The following AMBRA1 variants were observed in gnomAD, a reference collection of about 807,000 sequenced individuals.
The protein encoded by AMBRA1 is autophagy and beclin 1 regulator 1.
AMBRA1 carries 47 observed loss-of-function variants against 125.4 expected under a neutral mutation model. That is an observed-to-expected ratio of 0.37 (90% CI 0.30 to 0.48). AMBRA1 has a LOEUF of 0.48. AMBRA1 is among the 20% of genes least tolerant of loss of function. AMBRA1 has a pLI of 0.99. For missense variants in AMBRA1, 1,331 were observed against 1,693.4 expected, an observed-to-expected ratio of 0.79 and a Z score of 3.76; for synonymous variants, 626 against 655.5, an observed-to-expected ratio of 0.95 and a Z score of 0.69.
intron 11 of AMBRA1, among the ~76,000 whole-genome samples, chr11:46,468,553 C>T (rs1056707271): frequency 2.0e-5 from 3 of 151,912 alleles, no homozygotes; most frequent in Admixed American, 2.0e-4. Flanking sequence ...AATCCCAGCA[C>T]TTTGGGAGGC....
intron 14 of AMBRA1, among the ~76,000 whole-genome samples, chr11:46,423,361 T>C (rs541030443): frequency 6.6e-6 from 1 of 152,270 alleles, no homozygotes; most frequent in South Asian, 2.1e-4. Context: ...ATTCACAAAA[T>C]GTTGATGTAA....
intron 7 of AMBRA1, among the ~76,000 whole-genome samples, chr11:46,536,351 A>G (rs1281607329): frequency 6.6e-6 from 1 of 152,238 alleles, no homozygotes; most frequent in Non-Finnish European, 1.5e-5. Context: ...TCTAGTACAC[A>G]TGCAACAAAG....
intron 1 of AMBRA1, among the ~76,000 whole-genome samples, chr11:46,552,858 A>C (rs1352395566): frequency 6.6e-6 from 1 of 152,078 alleles, no homozygotes; most frequent in African/African-American, 2.4e-5. Context: ...ATTATTGGTG[A>C]TTTAATAATT....
chr11:46,414,049 G>C (rs1167208237), intron 15 of AMBRA1, among the ~76,000 whole-genome samples: 5 of 152,130 alleles, frequency 3.3e-5, no homozygotes, highest in Admixed American at 3.3e-4. Context: ...TTCTGGGCCT[G>C]GCTCAACAAC....
intron 1 of AMBRA1, among the ~76,000 whole-genome samples, chr11:46,583,042 A>C (rs1196585011): frequency 6.6e-6 from 1 of 152,190 alleles, no homozygotes; most frequent in East Asian, 1.9e-4. Context: ...ACTGTCGCCA[A>C]GTCAATCCTA....
intron 1 of AMBRA1, among the ~76,000 whole-genome samples, chr11:46,582,511 T>C (rs1223072812): frequency 1.3e-5 from 2 of 152,180 alleles, no homozygotes; most frequent in Non-Finnish European, 2.9e-5. Flanking sequence ...TGGACATCTA[T>C]TTTTCCACTC....
At chr11:46,485,409 G>A (rs2136933152) in intron 11 of AMBRA1, among the ~76,000 whole-genome samples, 1 of 152,232 alleles carries the variant, frequency 6.6e-6, no homozygotes, top group African/African-American at 2.4e-5. Flanking sequence ...AAGACAAACT[G>A]GACTGAAAGT....
At chr11:46,516,085 G>A (rs2135068075) in intron 7 of AMBRA1, among the ~76,000 whole-genome samples, 1 of 152,256 alleles carries the variant, frequency 6.6e-6, no homozygotes, top group East Asian at 1.9e-4. Flanking sequence ...CTTTGTTGCT[G>A]GAGAGTCTCT....
rs185453316 is a variant in AMBRA1, at chr11:46,577,023, T to C, written c.-121+16805A>G. Among the ~76,000 whole-genome samples, 188 of 152,306 alleles carry C rather than the reference T, an allele frequency of 1.2e-3. 2 individuals carry two copies. The highest frequency in any genetic ancestry group is 4.1e-4 in the South Asian group (2 of 4,828). ...CCCAGCCAACAACTCTGAAATCACA[T>C]ACTCTGGAGAAGCTGCAGATGTTGG... is the stretch of plus-strand genomic sequence containing the variant. On this transcript the variant is annotated intron_variant, in intron 1 of 17. Coordinates refer to ENST00000683756, the MANE Select transcript of AMBRA1 (RefSeq NM_001387011.1).
intron 14 of AMBRA1, among the ~76,000 whole-genome samples, chr11:46,424,952 T>C (rs1947047460): frequency 6.6e-6 from 1 of 152,022 alleles, no homozygotes; most frequent in African/African-American, 2.4e-5. Flanking sequence ...CTGACCAAGA[T>C]GGTGAAACCC....
chr11:46,423,061 G>A (rs1946927931), intron 14 of AMBRA1, among the ~76,000 whole-genome samples: 1 of 152,202 alleles, frequency 6.6e-6, no homozygotes, highest in Non-Finnish European at 1.5e-5. Context: ...TACTAGAAGA[G>A]AATCAACTGA....
chr11:46,593,573 A>T (rs569177800), intron 1 of AMBRA1, among the ~76,000 whole-genome samples: 1 of 152,280 alleles, frequency 6.6e-6, no homozygotes, highest in South Asian at 2.1e-4. Flanking sequence ...TTCGCCACAC[A>T]CTGGGGGTGC....
chr11:46,552,841 T>C (rs1391289977), intron 1 of AMBRA1, among the ~76,000 whole-genome samples: 1 of 152,150 alleles, frequency 6.6e-6, no homozygotes, highest in Non-Finnish European at 1.5e-5. Context: ...TGTCTCTCAG[T>C]AGTGGCATTA....
At chr11:46,588,522 TCCCAG>T (rs1244336634) in intron 1 of AMBRA1, among the ~76,000 whole-genome samples, 2 of 151,972 alleles carry the variant, frequency 1.3e-5, no homozygotes, top group Admixed American at 6.6e-5. Flanking sequence ...ATACCTGTAT[TCCCAG>T]CACTTTGGGA....
chr11:46,551,357 G>C (rs59664414), intron 1 of AMBRA1, among the ~76,000 whole-genome samples: 1,773 of 152,082 alleles, frequency 0.012, 42 homozygotes, highest in African/African-American at 0.041. Flanking sequence ...CTATCACCCA[G>C]GCTGGAGTGC....
chr11:46,482,938 G>A (rs547991653), intron 11 of AMBRA1, among the ~76,000 whole-genome samples: 2 of 151,996 alleles, frequency 1.3e-5, no homozygotes, highest in South Asian at 4.2e-4. Flanking sequence ...GAACCTGGGA[G>A]GCGGAGGTTG....
In AMBRA1 at chr11:46,542,270, G is replaced by A. The variant is rs768334358; in HGVS notation, c.1747C>T (p.Arg583Cys). ...TAGTTAGGTGTGGTTCTTTCCCAGC[G>A]CAGGGTATCGTTGTTGAAGGTCAGG... ...NLLTFNNDTL[R>C]WERTTPNYSS... Residue 583 changes from arginine to cysteine, a missense_variant, in exon 7 of 18, where the codon CGC (arginine) becomes TGC (cysteine). This residue lies in a region of AMBRA1 where 689 missense variants were observed against 776.5 expected (regional missense o/e 0.89). Transcript: ENST00000683756. The surrounding 1 kb of genome is among the most constrained non-coding windows in gnomAD (Gnocchi z 5.9). The A allele has an allele frequency of 5.0e-6, 8 of 1,614,060 alleles. No homozygotes were observed. The highest frequency in any genetic ancestry group is 2.2e-5 in the East Asian group (1 of 44,878).
intron 9 of AMBRA1, among the ~76,000 whole-genome samples, chr11:46,501,897 G>A (rs921766554): frequency 1.3e-5 from 2 of 151,906 alleles, no homozygotes; most frequent in African/African-American, 2.4e-5. Context: ...TAGTAGTTTC[G>A]CTTAAGTTAC....
intron 17 of AMBRA1, 32 bp from the exon 18 acceptor site, chr11:46,397,975 T>G: frequency 6.4e-7 from 1 of 1,553,616 alleles, no homozygotes; most frequent in Non-Finnish European, 8.7e-7. Flanking sequence ...AGAGAGCGAA[T>G]TGGCTGCTGG....
Sources: allele counts gnomAD v4.1 joint callset (sites outside exome capture counted in the v4.1 genomes callset), GRCh38; gene constraint gnomAD v4.1.1; regional missense constraint gnomAD v4.1.1; non-coding constraint Gnocchi (gnomAD v3.1); transcripts MANE v1.5; gene names NCBI Gene and HGNC (gene_info 2026-07-23, HGNC 2026-07-21).